The following ZDHHC14 variants were observed in gnomAD, a reference collection of about 807,000 sequenced individuals.
ZDHHC14 encodes the protein zDHHC palmitoyltransferase 14.
ZDHHC14 carries 16 observed loss-of-function variants against 47.7 expected under a neutral mutation model. That is an observed-to-expected ratio of 0.34 (90% CI 0.23 to 0.51). ZDHHC14 has a LOEUF of 0.51. ZDHHC14 is among the 20% of genes least tolerant of loss of function. The pLI, the probability that ZDHHC14 is intolerant of heterozygous loss-of-function variation, is 0.97. For missense variants in ZDHHC14, 515 were observed against 662.5 expected (o/e 0.78, Z 2.44); for synonymous variants, 293 against 278.9 (o/e 1.05, Z -0.50).
intron 8 of ZDHHC14, among the ~76,000 whole-genome samples, chr6:157,660,883 C>G (rs543759707): frequency 6.6e-6 from 1 of 152,188 alleles, no homozygotes; most frequent in East Asian, 1.9e-4. Context: ...CAGTTTCATT[C>G]AAGTAATACA....
chr6:157,484,423 T>TATATATGTATACACATATAC (rs1779726553), intron 1 of ZDHHC14, among the ~76,000 whole-genome samples: 1 of 136,798 alleles, frequency 7.3e-6, no homozygotes, highest in African/African-American at 3.1e-5. Context: ...CACATATACA[T>TATATATGTATACACATATAC]ATATATACGT....
intron 1 of ZDHHC14, among the ~76,000 whole-genome samples, chr6:157,520,190 C>T (rs553136035): frequency 7.2e-5 from 11 of 152,336 alleles, no homozygotes; most frequent in Admixed American, 2.6e-4. Flanking sequence ...GGGATAGTCT[C>T]TTCCCCAACC....
At chr6:157,452,689 G>GTTTT (rs1778828593) in intron 1 of ZDHHC14, among the ~76,000 whole-genome samples, 2 of 121,636 alleles carry the variant, frequency 1.6e-5, no homozygotes, top group Admixed American at 8.5e-5. Context: ...AATACATGGG[G>GTTTT]ATTTTTTTTT....
chr6:157,479,347 A>C (rs1779566119), intron 1 of ZDHHC14, among the ~76,000 whole-genome samples: 1 of 152,216 alleles, frequency 6.6e-6, no homozygotes, highest in Admixed American at 6.5e-5. Context: ...ATGTGTCTTA[A>C]GGTTTTTTTT....
At chr6:157,418,585 G>C (rs1184804790) in intron 1 of ZDHHC14, among the ~76,000 whole-genome samples, 1 of 152,126 alleles carries the variant, frequency 6.6e-6, no homozygotes, top group African/African-American at 2.4e-5. Flanking sequence ...CTGGAAACAT[G>C]GCTTGTTCAT....
chr6:157,618,984 A>G (rs1343375930), intron 3 of ZDHHC14, among the ~76,000 whole-genome samples: 1 of 151,954 alleles, frequency 6.6e-6, no homozygotes, highest in Non-Finnish European at 1.5e-5. Flanking sequence ...TATCTTCTCA[A>G]TGGCTTCATA....
intron 8 of ZDHHC14, among the ~76,000 whole-genome samples, chr6:157,657,545 A>G (rs1462542106): frequency 6.6e-6 from 1 of 152,182 alleles, no homozygotes; most frequent in African/African-American, 2.4e-5. Context: ...TATGTGCACG[A>G]AATCTCAGGA....
chr6:157,390,254 G>A (rs1217445928), intron 1 of ZDHHC14, among the ~76,000 whole-genome samples: 1 of 152,072 alleles, frequency 6.6e-6, no homozygotes, highest in African/African-American at 2.4e-5. Flanking sequence ...TTTCTGATGA[G>A]ACCTTAGTTG....
In ZDHHC14 at chr6:157,381,207, G is replaced by A. The variant is rs1231358026; in HGVS notation, c.-815G>A. ...GCCGGGCTGAGCCTTGCAAACAAGT[G>A]TCTGTGCTGTGTCCCCGCGGCCCTC... On this transcript the variant is annotated 5_prime_UTR_variant, in exon 1 of 9. Transcript: ENST00000359775. The A allele has an allele frequency of 6.6e-6, 1 of 150,842 alleles. No individual in the cohort carries two copies. The highest frequency in any genetic ancestry group is 2.0e-4 in the East Asian group (1 of 5,024). 9.3% of individuals were successfully genotyped at this position (150,842 alleles called of 1,614,324 possible).
At chr6:157,526,475 G>A (rs1217391998) in intron 1 of ZDHHC14, among the ~76,000 whole-genome samples, 5 of 152,172 alleles carry the variant, frequency 3.3e-5, no homozygotes, top group South Asian at 2.1e-4. Context: ...TGTCTTAAAC[G>A]TTGGTCTACT....
At chr6:157,525,269 T>G (rs1480079401) in intron 1 of ZDHHC14, among the ~76,000 whole-genome samples, 2 of 152,200 alleles carry the variant, frequency 1.3e-5, no homozygotes, top group Non-Finnish European at 1.5e-5. Context: ...CAAGCGATCC[T>G]CCTGCCTCAG....
chr6:157,456,705 G>A (rs147528813), intron 1 of ZDHHC14, among the ~76,000 whole-genome samples: 2,860 of 152,184 alleles, frequency 0.019, 106 homozygotes, highest in African/African-American at 0.065. Context: ...AAAGAAGTTT[G>A]GAAATTTACC....
chr6:157,403,820 G>A (rs1777692201), intron 1 of ZDHHC14, among the ~76,000 whole-genome samples: 2 of 152,222 alleles, frequency 1.3e-5, no homozygotes. Context: ...AAGCGTGAAA[G>A]GCAGTCCAGA....
intron 1 of ZDHHC14, among the ~76,000 whole-genome samples, chr6:157,398,087 C>G (rs540235492): frequency 1.6e-4 from 24 of 147,748 alleles, no homozygotes; most frequent in East Asian, 9.8e-4. Context: ...GCTCCCCAGC[C>G]CCCCCCGGCT....
chr6:157,436,586 G>T (rs570327149), intron 1 of ZDHHC14, among the ~76,000 whole-genome samples: 1 of 140,100 alleles, frequency 7.1e-6, no homozygotes, highest in Admixed American at 7.0e-5. Flanking sequence ...CTGGGGGAGG[G>T]GGGGCGGGTA....
At chr6:157,477,157 G>A (rs1299144328) in intron 1 of ZDHHC14, among the ~76,000 whole-genome samples, 3 of 152,148 alleles carry the variant, frequency 2.0e-5, no homozygotes, top group Non-Finnish European at 4.4e-5. Flanking sequence ...GAGGGGGGTG[G>A]TCACCTGAGG....
chr6:157,460,040 T>C (rs1583664893), intron 1 of ZDHHC14, among the ~76,000 whole-genome samples: 2 of 133,550 alleles, frequency 1.5e-5, no homozygotes. Context: ...AGTGAAACCC[T>C]GTCTCTACTA....
At chr6:157,581,525 T>A (rs1396694133) in intron 2 of ZDHHC14, among the ~76,000 whole-genome samples, 1 of 152,184 alleles carries the variant, frequency 6.6e-6, no homozygotes, top group Non-Finnish European at 1.5e-5. Flanking sequence ...GGTGTTGAGA[T>A]CTCTCACTAT....
chr6:157,613,434 T>C (rs4709438), intron 3 of ZDHHC14, among the ~76,000 whole-genome samples: 104,818 of 152,090 alleles, frequency 0.69, 36,269 homozygotes, highest in East Asian at 0.75. Context: ...GTTTAAGAAA[T>C]CCTGGAATAA....
Sources: gnomAD v4.1 joint callset for allele counts (sites outside exome capture counted in the v4.1 genomes callset) on GRCh38, gnomAD v4.1.1 for gene constraint, MANE v1.5 for transcripts, NCBI Gene and HGNC (gene_info 2026-07-23, HGNC 2026-07-21) for gene names.